The following PCDHGA3 variants were observed in gnomAD, a reference collection of about 807,000 sequenced individuals.
PCDHGA3 encodes protocadherin gamma subfamily A, 3, also known as protocadherin gamma-A3.
A neutral mutation model predicts 58.5 loss-of-function variants in PCDHGA3; 40 were observed. The observed-to-expected ratio is 0.68, with a 90% CI of 0.53 to 0.89. The LOEUF (loss-of-function observed/expected upper bound fraction) is 0.89, where lower values mean the gene tolerates loss of function less well. PCDHGA3 is among the 40% of genes least tolerant of loss of function. The probability of loss-of-function intolerance (pLI) is 0.00; values close to 1 mark genes in which losing one functional copy is unlikely to be tolerated. For synonymous variants in PCDHGA3, 530 were observed against 525.7 expected, an observed-to-expected ratio of 1.01 and a Z score of -0.11; for missense variants, 1,223 against 1,195.9, an observed-to-expected ratio of 1.02 and a Z score of -0.33.
chr5:141,448,515 T>C (rs1158968509), intron 1 of PCDHGA3, among the ~76,000 whole-genome samples: 1 of 152,212 alleles, frequency 6.6e-6, no homozygotes, highest in Non-Finnish European at 1.5e-5. Flanking sequence ...TTTATAACTT[T>C]ATTAAGCATC....
At position 141,357,060 on chromosome 5, in the gene PCDHGA3, G is replaced by A. The variant is rs755597830; in HGVS notation, c.2424+10603G>A. The A allele has an allele frequency of 2.5e-6, 4 of 1,613,996 alleles. No individual in the cohort carries two copies. The South Asian group carries it at 3.3e-5, about 13-fold the overall frequency. ...GCGAGCCGGGACTATTTGCAGTGGG[G>A]CTGCACACAGGCGAGGTGCGCACCG... is the stretch of plus-strand genomic sequence containing the variant. On this transcript the variant is annotated intron_variant, in intron 1 of 3. Coordinates refer to ENST00000253812, the MANE Select transcript of PCDHGA3 (RefSeq NM_018916.4).
chr5:141,503,024 A>G (rs574653661), intron 2 of PCDHGA3, among the ~76,000 whole-genome samples: 2 of 150,210 alleles, frequency 1.3e-5, no homozygotes, highest in South Asian at 2.1e-4. Context: ...TTTTTTTTTA[A>G]TATCTATTTT....
In PCDHGA3 at chr5:141,503,993, C is replaced by T. The variant is rs376134059; in HGVS notation, c.2484-1400C>T. Reference sequence around the variant, plus strand: ...GTGCCAAACCCTTCTTCTTACCTTACAGTCACTTAACTGTCTCTGCTGGTC... The same window carrying T: ...GTGCCAAACCCTTCTTCTTACCTTATAGTCACTTAACTGTCTCTGCTGGTC... On this transcript the variant is annotated intron_variant, in intron 2 of 3. Transcript: ENST00000253812. Among the ~76,000 whole-genome samples, 13 of 152,312 alleles carry T rather than the reference C, an allele frequency of 8.5e-5. 1 individual carries two copies. In the East Asian group the frequency reaches 1.7e-3, roughly 20 times the overall value.
At chr5:141,433,349 T>C in intron 1 of PCDHGA3, 1 of 616,610 alleles carries the variant, frequency 1.6e-6, no homozygotes, top group East Asian at 2.8e-5. Flanking sequence ...GCAAGCCACC[T>C]ACTGTCTGCC....
intron 1 of PCDHGA3, chr5:141,364,326 A>T (rs1186255733): frequency 7.2e-6 from 11 of 1,528,198 alleles, no homozygotes; most frequent in Non-Finnish European, 9.6e-6. Context: ...GGCAGAGAGA[A>T]GGCAATGGCG....
chr5:141,419,584 C>G, intron 1 of PCDHGA3: 1 of 1,611,800 alleles, frequency 6.2e-7, no homozygotes. Context: ...CCGCGCTCTT[C>G]GACACAGTGC....
At chr5:141,420,468 T>G in intron 1 of PCDHGA3, 1 of 799,886 alleles carries the variant, frequency 1.3e-6, no homozygotes, top group East Asian at 3.3e-5. Context: ...CAAAGACATT[T>G]TAAAGCAAAC....
rs2097370658 is a variant in PCDHGA3 at position 141,431,413 on chromosome 5, C to T, written c.2425-63394C>T. The T allele has an allele frequency of 1.2e-6, 2 of 1,613,564 alleles. No homozygotes were observed. Among genetic ancestry groups the T allele is most frequent in the African/African-American group, 2.7e-5 (2 of 74,952 alleles). ...TGGTCCTTACGGCCTCCGACGGGGG[C>T]GACCCGGTGCGCACAGGCACCGCGC... On this transcript the variant is annotated intron_variant, in intron 1 of 3. Transcript: ENST00000253812. This position sits in a 1 kb window ranked among gnomAD's most constrained non-coding sequence, Gnocchi z 4.8.
intron 1 of PCDHGA3, among the ~76,000 whole-genome samples, chr5:141,481,223 A>C (rs935737972): frequency 3.3e-5 from 5 of 152,242 alleles, no homozygotes; most frequent in Non-Finnish European, 7.3e-5. Context: ...AAGGTCTCCC[A>C]GCCTTAAAGT....
intron 1 of PCDHGA3, chr5:141,419,057 A>T: frequency 6.2e-7 from 1 of 1,613,900 alleles, no homozygotes; most frequent in East Asian, 2.2e-5. Flanking sequence ...TTCTTCTAAT[A>T]ATTACTACAA....
chr5:141,505,320 C>G, intron 2 of PCDHGA3, 73 bp from the exon 3 acceptor site: 2 of 1,605,358 alleles, frequency 1.2e-6, no homozygotes, highest in Non-Finnish European at 1.7e-6. Context: ...TTTGGGAGCC[C>G]TGGGAGAGGA....
chr5:141,433,062 T>G (rs1371087184), intron 1 of PCDHGA3: 1 of 1,614,074 alleles, frequency 6.2e-7, no homozygotes, highest in Non-Finnish European at 8.5e-7. Context: ...AAGAGTCACC[T>G]GATCTTCCCC....
intron 1 of PCDHGA3, among the ~76,000 whole-genome samples, chr5:141,373,008 C>T (rs1031800528): frequency 6.6e-6 from 1 of 152,074 alleles, no homozygotes; most frequent in Non-Finnish European, 1.5e-5. Flanking sequence ...CATAGAAAGC[C>T]TCCTTTTGAT....
At chr5:141,502,356 G>C (rs1443285213) in intron 2 of PCDHGA3, among the ~76,000 whole-genome samples, 4 of 151,838 alleles carry the variant, frequency 2.6e-5, no homozygotes. Flanking sequence ...TAATGACATG[G>C]ATATTTTTAA....
chr5:141,364,417 G>T, intron 1 of PCDHGA3: 1 of 1,613,362 alleles, frequency 6.2e-7, no homozygotes, highest in Non-Finnish European at 8.5e-7. Flanking sequence ...CAGGATCCGG[G>T]CAGATCCGCT....
intron 1 of PCDHGA3, among the ~76,000 whole-genome samples, chr5:141,475,237 G>C (rs2099360785): frequency 6.6e-6 from 1 of 152,234 alleles, no homozygotes. Flanking sequence ...AAACGATAGA[G>C]AGAGTGTGCT....
rs530139788 is a variant in PCDHGA3, at chr5:141,509,165, C to A, written c.2573-1782C>A. On this transcript the variant is annotated intron_variant, in intron 3 of 3. Coordinates refer to ENST00000253812, the MANE Select transcript of PCDHGA3 (RefSeq NM_018916.4). ...TCCCGGCTCTCCCCTCCCGTGTGCC[C>A]TCCTCCTCTTATGCCGGCTTGAAAA... Among the ~76,000 whole-genome samples the A allele has an allele frequency of 1.4e-4, 21 of 152,332 alleles. No individual in the cohort carries two copies. In the South Asian group the frequency reaches 4.1e-3, roughly 30 times the overall value.
Position 141,485,730 on chromosome 5 carries a change from G to A in PCDHGA3, c.2425-9077G>A. On this transcript the variant is annotated intron_variant, in intron 1 of 3. Coordinates refer to ENST00000253812, the MANE Select transcript of PCDHGA3 (RefSeq NM_018916.4). This position sits in a 1 kb window ranked among gnomAD's most constrained non-coding sequence, Gnocchi z 5.7. ...TTTGCACTGGATGTGAAGAAGCGCA[G>A]CGACGGCAGCCTGGTCCCAGAGCTG... is the stretch of plus-strand genomic sequence containing the variant. 1 of 1,614,200 alleles carries A rather than the reference G, an allele frequency of 6.2e-7. No individual in the cohort carries two copies. Among genetic ancestry groups the A allele is most frequent in the Non-Finnish European group, 8.5e-7 (1 of 1,180,024 alleles).
At chr5:141,403,560 A>G in intron 1 of PCDHGA3, 1 of 1,613,972 alleles carries the variant, frequency 6.2e-7, no homozygotes, top group Non-Finnish European at 8.5e-7. Context: ...CTGGACAGGG[A>G]GGAGGCAACT....
Sources: gnomAD v4.1 joint callset for allele counts (sites outside exome capture counted in the v4.1 genomes callset) on GRCh38, gnomAD v4.1.1 for gene constraint, Gnocchi (gnomAD v3.1) non-coding constraint, MANE v1.5 for transcripts, NCBI Gene and HGNC (gene_info 2026-07-23, HGNC 2026-07-21) for gene names.